The following NAP1L1 variants were observed in gnomAD, a reference collection of about 807,000 sequenced individuals.
NAP1L1 encodes nucleosome assembly protein 1 like 1.
A neutral mutation model predicts 58.9 loss-of-function variants in NAP1L1; 9 were observed. That is an observed-to-expected ratio of 0.15 (90% CI 0.09 to 0.27). NAP1L1 has a LOEUF of 0.27. Ranked by LOEUF, NAP1L1 falls within the 10% of genes least tolerant of loss-of-function variation. NAP1L1 has a pLI of 1.00. For synonymous variants in NAP1L1, 130 were observed against 138.3 expected (o/e 0.94, Z 0.42); for missense variants, 302 against 458.8 (o/e 0.66, Z 3.12).
intron 1 of NAP1L1, among the ~76,000 whole-genome samples, chr12:76,081,267 T>A (rs1312388175): frequency 6.6e-6 from 1 of 152,220 alleles, no homozygotes; most frequent in African/African-American, 2.4e-5. Flanking sequence ...ACTCCACACC[T>A]ATTTTTTTTC....
rs901191853 is a variant in NAP1L1, at chr12:76,045,301, T to A, written c.*3128A>T. On this transcript the variant is annotated 3_prime_UTR_variant, in exon 15 of 15. Coordinates refer to ENST00000618691, the MANE Select transcript of NAP1L1 (RefSeq NM_004537.7). The stretch of plus-strand genomic sequence containing the variant: ...CTAACCCATAAAAAAGGACTCCAAT[T>A]TTAAACCAATCCCTGAAACCAAAGC... 3 of 152,078 alleles carry A rather than the reference T, an allele frequency of 2.0e-5. No individual in the cohort carries two copies. The highest frequency in any genetic ancestry group is 7.2e-5 in the African/African-American group (3 of 41,438). 9.4% of individuals were successfully genotyped at this position (152,078 alleles called of 1,614,324 possible). A position where few individuals can be genotyped will look rare whatever the true frequency, so the allele number is the denominator to read the frequency against.
chr12:76,083,938 C>G (rs1293789199), intron 1 of NAP1L1: 1 of 152,234 alleles, frequency 6.6e-6, no homozygotes, highest in Non-Finnish European at 1.5e-5. Flanking sequence ...CCCATTACCA[C>G]GTGTGGAGCG....
In NAP1L1 at chr12:76,046,500, G is replaced by C. The variant is rs1948610764; in HGVS notation, c.*1929C>G. ...GATGAACTATGGTTAAAAAAAAAAA[G>C]CACATAGTGTCTAATCAAAGCAAAG... is the stretch of plus-strand genomic sequence containing the variant. On this transcript the variant is annotated 3_prime_UTR_variant, in exon 15 of 15. Coordinates refer to ENST00000618691, the MANE Select transcript of NAP1L1 (RefSeq NM_004537.7). 6.6e-6 allele frequency: 1 copy of C among 151,422 alleles called. No individual in the cohort carries two copies. Among genetic ancestry groups the C allele is most frequent in the African/African-American group, 2.4e-5 (1 of 41,152 alleles). The allele number at this position is 151,422 out of a possible 1,614,324, so 9.4% of individuals were successfully genotyped here.
chr12:76,064,689 A>G (rs1949581561), intron 4 of NAP1L1, among the ~76,000 whole-genome samples: 1 of 152,136 alleles, frequency 6.6e-6, no homozygotes, highest in Admixed American at 6.6e-5. Flanking sequence ...AGATTTTTAA[A>G]ACTATTGTAA....
Position 76,067,409 on chromosome 12 carries a change from A to G in NAP1L1, c.168T>C (p.Leu56=), listed in dbSNP as rs956328606. The stretch of plus-strand genomic sequence containing the variant: ...CTGTTGGTGTTTCTACCAGACCATC[A>G]AGTCTTTCTTGAAGGGCTGCAAGAA... ...PQILAALQER[L]DGLVETPTGY... Residue 56 remains leucine, a synonymous_variant, in exon 4 of 15, where the codon CTT becomes CTC. Transcript: ENST00000618691. The G allele has an allele frequency of 6.2e-7, 1 of 1,610,514 alleles. No homozygotes were observed. Among genetic ancestry groups the G allele is most frequent in the East Asian group, 2.2e-5 (1 of 44,818 alleles).
At chr12:76,055,903 G>A in intron 7 of NAP1L1, 130 bp downstream of exon 7, 3 of 927,506 alleles carry the variant, frequency 3.2e-6, no homozygotes, top group South Asian at 3.0e-5. Context: ...CTCTTCTACA[G>A]ATATTAGCTA....
intron 6 of NAP1L1, chr12:76,058,194 C>CATATATATATATATATATATATATATAT (rs3082540): frequency 2.9e-6 from 1 of 350,024 alleles, no homozygotes; most frequent in African/African-American, 2.7e-5. Context: ...GAGAGGCCTA[C>CATATATATATATATATATATATATATAT]ATATATATAT....
intron 6 of NAP1L1, among the ~76,000 whole-genome samples, chr12:76,058,285 GGCT>G (rs1021771750): frequency 2.7e-5 from 4 of 150,236 alleles, no homozygotes; most frequent in African/African-American, 9.9e-5. Flanking sequence ...TTCTGTACAA[GGCT>G]GCTTATTTTT....
At chr12:76,084,368 G>T (rs924173372) in intron 1 of NAP1L1, among the ~76,000 whole-genome samples, 199 bp downstream of exon 1, 2 of 152,122 alleles carry the variant, frequency 1.3e-5, no homozygotes, top group Admixed American at 6.5e-5. Context: ...AGCGCTGGTC[G>T]GCCCCGGGGC....
intron 14 of NAP1L1, 114 bp downstream of exon 14, chr12:76,049,086 T>C: frequency 9.5e-7 from 1 of 1,047,694 alleles, no homozygotes; most frequent in South Asian, 1.4e-5. Flanking sequence ...AGTTATCCAG[T>C]CAATAGGCTT....
intron 1 of NAP1L1, among the ~76,000 whole-genome samples, chr12:76,083,334 G>A (rs910321139): frequency 4.6e-5 from 7 of 152,090 alleles, no homozygotes; most frequent in South Asian, 4.1e-4. Flanking sequence ...AACAATTAAA[G>A]TCATAAAGGG....
rs912066382 is a variant in NAP1L1 at position 76,067,487 on chromosome 12, A to G, written c.104-14T>C. On this transcript the variant is annotated splice_polypyrimidine_tract_variant and intron_variant, in intron 3 of 14. Transcript: ENST00000618691. ...TTAGCTGACGTGCTTTAAAAAAAAA[A>G]GGGCATCGAAAGAAGGATTTTATGA... 3 of 1,554,960 alleles carry G rather than the reference A, an allele frequency of 1.9e-6. No individual in the cohort carries two copies. Among genetic ancestry groups the G allele is most frequent in the Non-Finnish European group, 1.8e-6 (2 of 1,139,144 alleles).
rs184033018 is a variant in NAP1L1, at chr12:76,079,085, C to T, written c.-20-4846G>A. 2.9e-3 allele frequency among the ~76,000 whole-genome samples: 441 copies of T among 152,156 alleles called. 2 individuals are homozygous for T. Among genetic ancestry groups the T allele is most frequent in the Non-Finnish European group, 4.4e-3 (297 of 67,990 alleles). ...AAAACAAATTCATCTCAAAAGCACA[C>T]ACAAAAAAGGTAGATTAACTTCAAA... On this transcript the variant is annotated intron_variant, in intron 1 of 14. Transcript: ENST00000618691.
rs1454879355 is a variant in NAP1L1, at chr12:76,073,184, CG to C, written c.17+1018del. 2.0e-5 allele frequency among the ~76,000 whole-genome samples: 3 copies of C among 151,712 alleles called. No individual in the cohort carries two copies. The East Asian group carries it at 5.8e-4, about 29-fold the overall frequency. On this transcript the variant is annotated intron_variant, in intron 2 of 14. Transcript: ENST00000618691. Reference sequence around the variant, plus strand: ...TTTTTTTAATGCTGAAGATAAAATGCGTAAGAGTGGCCCAAATTCTTATTTG... The same window carrying C: ...TTTTTTTAATGCTGAAGATAAAATGCTAAGAGTGGCCCAAATTCTTATTTG...
chr12:76,079,811 G>C (rs1265979486), intron 1 of NAP1L1, among the ~76,000 whole-genome samples: 1 of 151,864 alleles, frequency 6.6e-6, no homozygotes, highest in Non-Finnish European at 1.5e-5. Context: ...AGCCTCCTGA[G>C]TAGCTGGGAC....
In NAP1L1 at chr12:76,045,944, GAAT is replaced by G. The variant is rs1283923937; in HGVS notation, c.*2482_*2484del. 2 of 144,092 alleles carry G rather than the reference GAAT, an allele frequency of 1.4e-5. No homozygotes were observed. The highest frequency in any genetic ancestry group is 2.9e-5 in the Non-Finnish European group (2 of 67,842). 8.9% of individuals were successfully genotyped at this position (144,092 alleles called of 1,614,324 possible). A position where few individuals can be genotyped will look rare whatever the true frequency, so the allele number is the denominator to read the frequency against. ...CTCAAAAATGTTTGTAGATAACTCA[GAAT>G]AATAACCCAGAATATAACCTATCAG... On this transcript the variant is annotated 3_prime_UTR_variant, in exon 15 of 15. Coordinates refer to ENST00000618691, the MANE Select transcript of NAP1L1 (RefSeq NM_004537.7).
chr12:76,059,460 G>A (rs1450117138), intron 6 of NAP1L1: 2 of 234,708 alleles, frequency 8.5e-6, no homozygotes, highest in African/African-American at 2.3e-5. Flanking sequence ...CTTTTCACAA[G>A]AGAAAATGAC....
At chr12:76,077,998 A>G (rs1277403699) in intron 1 of NAP1L1, among the ~76,000 whole-genome samples, 2 of 150,818 alleles carry the variant, frequency 1.3e-5, no homozygotes, top group Admixed American at 6.6e-5. Context: ...AAAAAAAAAA[A>G]AAAGGAAAAG....
chr12:76,043,535 A>C lies in NAP1L1; in HGVS notation c.*4894T>G, dbSNP rs955392158. ...AATGGTCATCCTCATCCTCACTTGAAATACTCTTGTAACAGGTGGTTCCAG... is the reference window on the plus strand; with the variant it reads ...AATGGTCATCCTCATCCTCACTTGACATACTCTTGTAACAGGTGGTTCCAG... On this transcript the variant is annotated 3_prime_UTR_variant, in exon 15 of 15. Transcript: ENST00000618691. 1 of 152,114 alleles carries C rather than the reference A, an allele frequency of 6.6e-6. No homozygotes were observed. Among genetic ancestry groups the C allele is most frequent in the African/African-American group, 2.4e-5 (1 of 41,426 alleles). 9.4% of individuals were successfully genotyped at this position (152,114 alleles called of 1,614,324 possible).
Sources: allele counts gnomAD v4.1 joint callset (sites outside exome capture counted in the v4.1 genomes callset), GRCh38; gene constraint gnomAD v4.1.1; transcripts MANE v1.5; gene names NCBI Gene and HGNC (gene_info 2026-07-23, HGNC 2026-07-21).